The following CCDC171 variants were observed in gnomAD, a reference collection of about 807,000 sequenced individuals.
The protein encoded by CCDC171 is coiled-coil domain-containing protein 171.
A neutral mutation model predicts 168.2 loss-of-function variants in CCDC171; 177 were observed. The observed-to-expected ratio is 1.05, with a 90% CI of 0.93 to 1.19. The LOEUF is 1.19. Ranked by LOEUF, CCDC171 falls within the 50% of genes most tolerant of loss-of-function variation. The probability of loss-of-function intolerance (pLI) is 0.00; values close to 1 mark genes in which losing one functional copy is unlikely to be tolerated. For missense variants in CCDC171, 1,991 were observed against 1,539.0 expected (o/e 1.29, Z -4.91); for synonymous variants, 687 against 540.8 (o/e 1.27, Z -3.75).
intron 12 of CCDC171, among the ~76,000 whole-genome samples, chr9:15,722,666 T>G (rs2053560451): frequency 1.3e-5 from 2 of 152,216 alleles, no homozygotes; most frequent in African/African-American, 4.8e-5. Flanking sequence ...ATCTCTTTCT[T>G]TCATATAATA....
chr9:15,801,289 C>G (rs2058809398), intron 21 of CCDC171, among the ~76,000 whole-genome samples: 1 of 151,836 alleles, frequency 6.6e-6, no homozygotes, highest in Non-Finnish European at 1.5e-5. Context: ...TCCATTCTTT[C>G]AATCATTGTT....
intron 21 of CCDC171, among the ~76,000 whole-genome samples, chr9:15,797,813 A>T (rs1056104071): frequency 6.6e-6 from 1 of 152,324 alleles, no homozygotes; most frequent in South Asian, 2.1e-4. Context: ...GTTAATTTTT[A>T]TACATGGTGT....
chr9:15,578,419 T>G (rs1344146187), intron 3 of CCDC171, among the ~76,000 whole-genome samples: 1 of 21,488 alleles, frequency 4.7e-5, no homozygotes, highest in African/African-American at 1.2e-4. Flanking sequence ...ATTATTATTA[T>G]TATTATTATT....
At chr9:15,661,144 G>A (rs752836227) in intron 8 of CCDC171, among the ~76,000 whole-genome samples, 25 of 152,220 alleles carry the variant, frequency 1.6e-4, no homozygotes, top group East Asian at 3.9e-4. Context: ...GCCGGGCGTC[G>A]TGGCGGGCGC....
At chr9:15,864,943 T>G (rs1283132813) in intron 23 of CCDC171, among the ~76,000 whole-genome samples, 1 of 152,202 alleles carries the variant, frequency 6.6e-6, no homozygotes, top group African/African-American at 2.4e-5. Flanking sequence ...TTTGGAAAGA[T>G]TAACTGAAAT....
At chr9:16,107,842 G>A in the CCDC171 span, among the ~76,000 whole-genome samples, 1 of 152,088 alleles carries the variant, frequency 6.6e-6, no homozygotes. Flanking sequence ...TGAGTATCAG[G>A]ATAGGGCCTG....
At chr9:16,104,200 T>C in the CCDC171 span, among the ~76,000 whole-genome samples, 1 of 152,058 alleles carries the variant, frequency 6.6e-6, no homozygotes, top group Non-Finnish European at 1.5e-5. Flanking sequence ...CTCCCTACAG[T>C]CCTCTCAGAA....
chr9:15,991,570 A>T (rs553745849), intron 3 of CCDC171, among the ~76,000 whole-genome samples: 33 of 152,290 alleles, frequency 2.2e-4, no homozygotes, highest in African/African-American at 7.5e-4. Flanking sequence ...GGCAAGAAAT[A>T]ACTAAGATCA....
At chr9:15,914,035 C>T (rs1266815305) in intron 24 of CCDC171, among the ~76,000 whole-genome samples, 3 of 152,196 alleles carry the variant, frequency 2.0e-5, no homozygotes, top group Admixed American at 2.0e-4. Context: ...CAGAGGGACA[C>T]CTGCCAGATA....
intron 3 of CCDC171, among the ~76,000 whole-genome samples, chr9:15,989,839 T>C (rs1832127812): frequency 1.3e-5 from 2 of 151,960 alleles, no homozygotes; most frequent in Admixed American, 1.3e-4. Context: ...TGATTGAAGA[T>C]CAAATGAATG....
At position 15,853,728 on chromosome 9, in the gene CCDC171, G is replaced by A. The variant is rs1396258228; in HGVS notation, c.3468+4781G>A. Among the ~76,000 whole-genome samples the A allele has an allele frequency of 2.0e-5, 3 of 151,476 alleles. No homozygotes were observed. The East Asian group carries it at 5.8e-4, about 29-fold the overall frequency. On this transcript the variant is annotated intron_variant, in intron 23 of 25. Coordinates refer to ENST00000380701, the MANE Select transcript of CCDC171 (RefSeq NM_173550.4). The stretch of plus-strand genomic sequence containing the variant: ...CCATTAAGCATGATATTAGCTGTGG[G>A]TTTTTTCATAGATCCTCTTTATCAG...
At chr9:15,942,380 AG>A (rs1827831212) in intron 25 of CCDC171, among the ~76,000 whole-genome samples, 1 of 151,944 alleles carries the variant, frequency 6.6e-6, no homozygotes, top group Non-Finnish European at 1.5e-5. Context: ...TTTATTAATA[AG>A]GTCGTCTGGT....
chr9:15,890,197 A>G (rs1307169785), intron 24 of CCDC171, among the ~76,000 whole-genome samples: 1 of 152,094 alleles, frequency 6.6e-6, no homozygotes, highest in Admixed American at 6.5e-5. Flanking sequence ...AGAGAATGTG[A>G]AATTTAATAT....
chr9:15,662,098 G>A (rs142300436), intron 8 of CCDC171, among the ~76,000 whole-genome samples: 3,243 of 152,204 alleles, frequency 0.021, 119 homozygotes, highest in African/African-American at 0.074. Flanking sequence ...CCAACGTGGC[G>A]AAACCCCGTC....
intron 24 of CCDC171, among the ~76,000 whole-genome samples, chr9:15,890,628 A>G (rs919370781): frequency 6.9e-6 from 1 of 144,454 alleles, no homozygotes; most frequent in Non-Finnish European, 1.5e-5. Context: ...TTCCTTCACA[A>G]TGTACAAAAT....
At chr9:15,775,016 G>C (rs1478548871) in intron 18 of CCDC171, among the ~76,000 whole-genome samples, 1 of 152,120 alleles carries the variant, frequency 6.6e-6, no homozygotes, top group Non-Finnish European at 1.5e-5. Context: ...CACTGCTTGG[G>C]TGATGGGTGC....
chr9:15,847,060 CTATGTAACCTCTAAT>C (rs1225197174), intron 22 of CCDC171, among the ~76,000 whole-genome samples: 3 of 152,022 alleles, frequency 2.0e-5, no homozygotes, highest in Non-Finnish European at 4.4e-5. Context: ...GTATAAGCTT[CTATGTAACCTCTAAT>C]TATGCTTATT....
At chr9:15,914,585 C>A (rs1224118757) in intron 24 of CCDC171, among the ~76,000 whole-genome samples, 3 of 152,164 alleles carry the variant, frequency 2.0e-5, no homozygotes, top group Admixed American at 6.5e-5. Context: ...TGCTGGGTTC[C>A]ATGGGGGCGG....
At chr9:15,976,651 T>G (rs1266394855), downstream of CCDC171, among the ~76,000 whole-genome samples, 1 of 151,600 alleles carries the variant, frequency 6.6e-6, no homozygotes, top group Non-Finnish European at 1.5e-5. Flanking sequence ...AGGGAATTTA[T>G]GAATTATATA....
Sources: gnomAD v4.1 joint callset for allele counts (sites outside exome capture counted in the v4.1 genomes callset) on GRCh38, gnomAD v4.1.1 for gene constraint, MANE v1.5 for transcripts, NCBI Gene and HGNC (gene_info 2026-07-23, HGNC 2026-07-21) for gene names.